Variants in MARK3 observed in about 807,000 individuals in gnomAD.
MARK3 encodes the protein MAP/microtubule affinity-regulating kinase 3.
MARK3 carries 46 observed loss-of-function variants against 90.1 expected under a neutral mutation model. That is an observed-to-expected ratio of 0.51 (90% CI 0.40 to 0.65). The LOEUF (loss-of-function observed/expected upper bound fraction) is 0.65, where lower values mean the gene tolerates loss of function less well. MARK3 is among the 30% of genes least tolerant of loss of function. The pLI is 0.00. For missense variants in MARK3, 818 were observed against 947.2 expected (o/e 0.86, Z 1.79); for synonymous variants, 321 against 332.6 (o/e 0.97, Z 0.38).
intron 3 of MARK3, among the ~76,000 whole-genome samples, chr14:103,435,004 T>C (rs899367683): frequency 2.0e-5 from 3 of 152,228 alleles, no homozygotes; most frequent in South Asian, 2.1e-4. Flanking sequence ...CTTAGAGCTC[T>C]GTAGCAGTAG....
Position 103,448,826 on chromosome 14 carries a change from G to A in MARK3, c.298-93G>A, listed in dbSNP as rs532950085. 50 of 1,266,460 alleles carry A rather than the reference G, an allele frequency of 3.9e-5. 1 individual carries two copies. The Admixed American group carries it at 8.4e-4, about 21-fold the overall frequency. The allele number at this position is 1,266,460 out of a possible 1,614,324, so 78.5% of individuals were successfully genotyped here. A position where few individuals can be genotyped will look rare whatever the true frequency, so the allele number is the denominator to read the frequency against. ...CATTAGCAATGAATCTGTTATCTAA[G>A]AGAAAAATTTAAATTTATATTACAA... On this transcript the variant is annotated intron_variant, in intron 3 of 17. Transcript: ENST00000429436.
chr14:103,478,188 G>A (rs1220404244), intron 13 of MARK3, among the ~76,000 whole-genome samples: 5 of 151,594 alleles, frequency 3.3e-5, no homozygotes, highest in Admixed American at 1.3e-4. Context: ...CCAGCTACTC[G>A]GGAGGCTAAG....
At chr14:103,425,022 C>T (rs2140998984) in intron 2 of MARK3, among the ~76,000 whole-genome samples, 2 of 152,098 alleles carry the variant, frequency 1.3e-5, no homozygotes, top group Middle Eastern at 3.4e-3. Flanking sequence ...CTCACTGCAA[C>T]CTCTACCTCC....
chr14:103,388,035 G>C (rs953956729), intron 1 of MARK3, among the ~76,000 whole-genome samples: 1 of 152,114 alleles, frequency 6.6e-6, no homozygotes, highest in Non-Finnish European at 1.5e-5. Context: ...GGGTTCAAGT[G>C]ATTCTCCTGC....
At chr14:103,405,979 C>T (rs979366430) in intron 2 of MARK3, among the ~76,000 whole-genome samples, 2 of 152,072 alleles carry the variant, frequency 1.3e-5, no homozygotes, top group Non-Finnish European at 2.9e-5. Context: ...TAGCCTCAAC[C>T]TCCTGGGGTC....
chr14:103,457,482 C>T (rs1224439052), intron 6 of MARK3, among the ~76,000 whole-genome samples: 1 of 152,116 alleles, frequency 6.6e-6, no homozygotes, highest in African/African-American at 2.4e-5. Context: ...AATCTAGAGC[C>T]TTTCAAAAAC....
rs771489646 is a variant in MARK3 at position 103,500,191 on chromosome 14, A to C, written c.1907A>C (p.Glu636Ala). Reference sequence around the variant, plus strand: ...GAATATGAGAGGAACGGGAGATATGAGGGCTCAAGGTGAGGGAAATGATTT... The same window carrying C: ...GAATATGAGAGGAACGGGAGATATGCGGGCTCAAGGTGAGGGAAATGATTT... Reference protein sequence around the residue: ...PTEYERNGRYEGSSRNVSAEQ... With the variant: ...PTEYERNGRYAGSSRNVSAEQ... Residue 636 changes from glutamate to alanine, a missense_variant, in exon 17 of 18, where the codon GAG becomes GCG. Glu to Ala is a moderately radical substitution (Grantham distance 107). Transcript: ENST00000429436. 2 of 1,605,272 alleles carry C rather than the reference A, an allele frequency of 1.2e-6. No homozygotes were observed. The highest frequency in any genetic ancestry group is 2.7e-5 in the African/African-American group (2 of 74,376).
intron 3 of MARK3, among the ~76,000 whole-genome samples, chr14:103,434,561 G>A (rs914846890): frequency 2.0e-5 from 3 of 152,172 alleles, no homozygotes; most frequent in Non-Finnish European, 2.9e-5. Flanking sequence ...ACAACTTCTC[G>A]TCCTGGTTCG....
At chr14:103,440,902 C>G (rs1273679621) in intron 3 of MARK3, among the ~76,000 whole-genome samples, 1 of 146,220 alleles carries the variant, frequency 6.8e-6, no homozygotes, top group East Asian at 2.0e-4. Flanking sequence ...CACCACTGCA[C>G]TCCAGCCAGG....
At chr14:103,389,547 AAGC>A (rs1416941210) in intron 1 of MARK3, among the ~76,000 whole-genome samples, 9 of 144,442 alleles carry the variant, frequency 6.2e-5, no homozygotes, top group Non-Finnish European at 1.2e-4. Flanking sequence ...AAAAAAAAAA[AAGC>A]AGACAACTTG....
chr14:103,404,276 G>A (rs1259628007), intron 1 of MARK3, among the ~76,000 whole-genome samples: 1 of 152,168 alleles, frequency 6.6e-6, no homozygotes, highest in Admixed American at 6.6e-5. Context: ...TAAAGGGGGT[G>A]GAAAGTGGCT....
At chr14:103,414,262 A>G (rs1042762170) in intron 2 of MARK3, among the ~76,000 whole-genome samples, 5 of 149,800 alleles carry the variant, frequency 3.3e-5, no homozygotes, top group African/African-American at 1.2e-4. Context: ...CTGGAGTGCA[A>G]TGGCTCAATC....
At chr14:103,450,490 TA>T (rs1281873385) in intron 4 of MARK3, among the ~76,000 whole-genome samples, 7 of 152,246 alleles carry the variant, frequency 4.6e-5, no homozygotes, top group African/African-American at 1.7e-4. Context: ...ATTGAACTTT[TA>T]AAAAATTCCT....
chr14:103,392,806 C>T (rs960223182), intron 1 of MARK3, among the ~76,000 whole-genome samples: 2 of 146,748 alleles, frequency 1.4e-5, no homozygotes, highest in African/African-American at 5.0e-5. Flanking sequence ...ATTTAATTAG[C>T]TTTTTTTTTT....
At chr14:103,496,493 G>A (rs930485951) in intron 15 of MARK3, among the ~76,000 whole-genome samples, 1 of 151,820 alleles carries the variant, frequency 6.6e-6, no homozygotes, top group East Asian at 2.0e-4. Context: ...GTTCACTGCA[G>A]TGTCTGCCTC....
chr14:103,432,553 G>A (rs1447746763), intron 3 of MARK3, among the ~76,000 whole-genome samples: 4 of 79,654 alleles, frequency 5.0e-5, no homozygotes, highest in African/African-American at 1.2e-4. Flanking sequence ...GGCAAAGGCT[G>A]AAGAAGGCTG....
chr14:103,400,732 C>CA (rs1276914824), intron 1 of MARK3, among the ~76,000 whole-genome samples: 1 of 151,442 alleles, frequency 6.6e-6, no homozygotes, highest in Non-Finnish European at 1.5e-5. Context: ...CCTATCTCTA[C>CA]AAAAAATTAA....
In MARK3 at chr14:103,470,453, C is replaced by CTTTTTTTTTTTTTTTTTT. The variant is rs1555396272; in HGVS notation, c.1264+2268_1264+2269insTTTTTTTTTTTTTTTTTT. ...CTATTCCAGGATTCAGGAACTAAAT[C>CTTTTTTTTTTTTTTTTTT]TATTTTTTTTTTTTTTTTTGAGATG... On this transcript the variant is annotated intron_variant, in intron 12 of 17. Coordinates refer to ENST00000429436, the MANE Select transcript of MARK3 (RefSeq NM_001128918.3). Among the ~76,000 whole-genome samples, 115 of 24,110 alleles carry CTTTTTTTTTTTTTTTTTT rather than the reference C, an allele frequency of 4.8e-3. 1 individual carries two copies. The highest frequency in any genetic ancestry group is 0.026 in the Middle Eastern group (1 of 38). The allele number at this position is 24,110 out of a possible 152,430, so 15.8% of individuals were successfully genotyped here. A position where few individuals can be genotyped will look rare whatever the true frequency, so the allele number is the denominator to read the frequency against.
intron 15 of MARK3, among the ~76,000 whole-genome samples, chr14:103,494,762 G>A (rs1040028775): frequency 1.9e-4 from 29 of 151,770 alleles, no homozygotes; most frequent in South Asian, 4.1e-4. Flanking sequence ...TCAGCCTCCC[G>A]AGTGGCTGGG....
Sources: allele counts gnomAD v4.1 joint callset (sites outside exome capture counted in the v4.1 genomes callset), GRCh38; gene constraint gnomAD v4.1.1; transcripts MANE v1.5; gene names NCBI Gene and HGNC (gene_info 2026-07-23, HGNC 2026-07-21).